The following U2AF1L4 variants were observed in gnomAD, a reference collection of about 807,000 sequenced individuals.
U2AF1L4 encodes the protein splicing factor U2AF 26 kDa subunit.
Under a neutral mutation model 21.7 loss-of-function variants are expected in U2AF1L4, and 21 were observed. That is an observed-to-expected ratio of 0.97 (90% CI 0.69 to 1.39). U2AF1L4 has a LOEUF of 1.39. Ranked by LOEUF, U2AF1L4 falls within the 40% of genes most tolerant of loss-of-function variation. The probability of loss-of-function intolerance (pLI) is 0.00; values close to 1 mark genes in which losing one functional copy is unlikely to be tolerated. For synonymous variants in U2AF1L4, 92 were observed against 89.7 expected, an observed-to-expected ratio of 1.03 and a Z score of -0.15; for missense variants, 259 against 245.7, an observed-to-expected ratio of 1.05 and a Z score of -0.36.
At position 35,744,011 on chromosome 19, in the gene U2AF1L4, C is replaced by T. The variant is rs372530599; in HGVS notation, c.365+1G>A. 3 of 1,613,810 alleles carry T rather than the reference C, an allele frequency of 1.9e-6. No homozygotes were observed. Among genetic ancestry groups the T allele is most frequent in the Non-Finnish European group, 2.5e-6 (3 of 1,179,900 alleles). ...CCCATCCCACCCTTGAACTACCATA[C>T]CCCATCTCATACTGGCGACAGCATG... On this transcript the variant is annotated splice_donor_variant, in intron 4 of 5. Transcript: ENST00000378975. LOFTEE classifies it high-confidence loss of function.
At chr19:35,743,061 C>T in intron 5 of U2AF1L4, 1 of 565,160 alleles carries the variant, frequency 1.8e-6, no homozygotes, top group Non-Finnish European at 3.1e-6. Context: ...GAGCTCAGAA[C>T]TACTCTTAGG....
At chr19:35,743,735 C>G in intron 5 of U2AF1L4, 74 bp downstream of exon 5, 84 of 922,798 alleles carry the variant, frequency 9.1e-5, no homozygotes, top group Non-Finnish European at 1.2e-4. Context: ...GTTACTGGGG[C>G]TTAGGGTTAG....
chr19:35,743,105 G>A, intron 5 of U2AF1L4: 1 of 437,020 alleles, frequency 2.3e-6, no homozygotes, highest in Non-Finnish European at 4.1e-6. Flanking sequence ...GGGCGCAGTG[G>A]TTCACGCCTG....
chr19:35,744,859 T>C (rs1970492489), intron 2 of U2AF1L4: 2 of 827,800 alleles, frequency 2.4e-6, no homozygotes, highest in Non-Finnish European at 3.8e-6. Context: ...TGGAGGGGAC[T>C]GGCAAGGATG....
chr19:35,745,100 C>G (rs1970508699), intron 2 of U2AF1L4, 25 bp downstream of exon 2: 1 of 1,608,728 alleles, frequency 6.2e-7, no homozygotes, highest in African/African-American at 1.3e-5. Context: ...GCCGTTAACC[C>G]CCGAGGCTCC....
At position 35,742,795 on chromosome 19, in the gene U2AF1L4, G is replaced by A. The variant is rs146316690; in HGVS notation, c.470C>T (p.Pro157Leu). Reference sequence around the variant, plus strand: ...GGGATGGTGGCCAGTATGGAACCTCGGGGGTGACCTGGGAATAGGAGCGTT... The same window carrying A: ...GGGATGGTGGCCAGTATGGAACCTCAGGGGTGACCTGGGAATAGGAGCGTT... ...YGRGPRRRSPPRFHTGHHPRE... is the reference protein window; with the variant it reads ...YGRGPRRRSPLRFHTGHHPRE... Residue 157 changes from proline to leucine, a missense_variant, in exon 6 of 6, where the codon CCG becomes CTG. By Grantham distance (98) the Pro-to-Leu change is moderately conservative (BLOSUM62 -3). Coordinates refer to ENST00000378975, the MANE Select transcript of U2AF1L4 (RefSeq NM_001040425.3). The A allele has an allele frequency of 8.4e-5, 135 of 1,610,452 alleles. No individual in the cohort carries two copies. The highest frequency in any genetic ancestry group is 1.7e-4 in the Middle Eastern group (1 of 6,056).
chr19:35,743,525 T>C (rs1440047074), intron 5 of U2AF1L4: 7 of 426,696 alleles, frequency 1.6e-5, no homozygotes, highest in Non-Finnish European at 3.0e-5. Context: ...CCATCTCTAC[T>C]AAAAACACAA....
Position 35,742,704 on chromosome 19 carries a change from AAG to A in U2AF1L4, c.*13_*14del. ...TCTGTCCCTGTTGGGGGTGAAGGGTAAGGGGGCCAGGGCCTCAGAAGCGGCCA... is the reference window on the plus strand; with the variant it reads ...TCTGTCCCTGTTGGGGGTGAAGGGTAGGGGCCAGGGCCTCAGAAGCGGCCA... On this transcript the variant is annotated 3_prime_UTR_variant, in exon 6 of 6. Transcript: ENST00000378975. 6.2e-7 allele frequency: 1 copy of A among 1,611,400 alleles called. No homozygotes were observed. The highest frequency in any genetic ancestry group is 1.3e-5 in the African/African-American group (1 of 74,722).
chr19:35,743,163 C>T (rs1466527511), intron 5 of U2AF1L4: 10 of 308,064 alleles, frequency 3.2e-5, no homozygotes, highest in African/African-American at 1.1e-4. Context: ...ACCTGAGGTC[C>T]GGAGTTCGAG....
Position 35,742,794 on chromosome 19 carries a change from CG to C in U2AF1L4, c.470del (p.Pro157ArgfsTer66). ...GGGGATGGTGGCCAGTATGGAACCT[CG>C]GGGGTGACCTGGGAATAGGAGCGTT... ...YGRGPRRRSP[P>X]RFHTGHHPRE... On this transcript the variant is annotated frameshift_variant, in exon 6 of 6. Coordinates refer to ENST00000378975, the MANE Select transcript of U2AF1L4 (RefSeq NM_001040425.3). LOFTEE classifies it high-confidence loss of function. The C allele has an allele frequency of 6.2e-7, 1 of 1,610,606 alleles. No homozygotes were observed.
At chr19:35,743,054 C>T in intron 5 of U2AF1L4, 1 of 570,020 alleles carries the variant, frequency 1.8e-6, no homozygotes. Flanking sequence ...CCAGATGGAG[C>T]TCAGAACTAC....
Position 35,745,176 on chromosome 19 carries a change from G to A in U2AF1L4, c.81C>T (p.Cys27=). 1 of 1,613,612 alleles carries A rather than the reference G, an allele frequency of 6.2e-7. No homozygotes were observed. Among genetic ancestry groups the A allele is most frequent in the Non-Finnish European group, 8.5e-7 (1 of 1,180,002 alleles). Residue 27 remains cysteine, a synonymous_variant, in exon 2 of 6, where the codon TGC becomes TGT. Transcript: ENST00000378975. ...GCCGGGAGCACCGGTCCCCGTGCCGGCAGACCCCGATCTTAAAGTAAAAAG... is the reference window on the plus strand; with the variant it reads ...GCCGGGAGCACCGGTCCCCGTGCCGACAGACCCCGATCTTAAAGTAAAAAG... ...NCSFYFKIGV[C]RHGDRCSRLH...
chr19:35,743,387 A>C (rs762685190), intron 5 of U2AF1L4: 14 of 220,662 alleles, frequency 6.3e-5, no homozygotes, highest in African/African-American at 1.8e-4. Context: ...AAAAAAAAAA[A>C]AAAAAAAAAA....
rs760513725 is a variant in U2AF1L4 at position 35,745,195 on chromosome 19, TA to T, written c.61del (p.Tyr21ThrfsTer40). The T allele has an allele frequency of 2.5e-6, 4 of 1,613,238 alleles. No individual in the cohort carries two copies. The highest frequency in any genetic ancestry group is 3.4e-6 in the Non-Finnish European group (4 of 1,179,914). On this transcript the variant is annotated frameshift_variant, in exon 2 of 6. Coordinates refer to ENST00000378975, the MANE Select transcript of U2AF1L4 (RefSeq NM_001040425.3). LOFTEE classifies it high-confidence loss of function. ...GTGCCGGCAGACCCCGATCTTAAAG[TA>T]AAAAGAGCAGTTAACCCTGGAAAAG... The part of the protein sequence containing the change: ...TEKDKVNCSF[Y>X]FKIGVCRHGD...
Position 35,744,425 on chromosome 19 carries a change from TG to T in U2AF1L4, c.133-5del, listed in dbSNP as rs916379756. 2 of 1,614,006 alleles carry T rather than the reference TG, an allele frequency of 1.2e-6. No homozygotes were observed. Among genetic ancestry groups the T allele is most frequent in the African/African-American group, 2.7e-5 (2 of 74,904 alleles). On this transcript the variant is annotated splice_region_variant and splice_polypyrimidine_tract_variant and intron_variant, in intron 2 of 5. Coordinates refer to ENST00000378975, the MANE Select transcript of U2AF1L4 (RefSeq NM_001040425.3). ...CCTGCAGTTCTGTGAACACCTCCTG[TG>T]GAAGACGGGGAGGAACTCAGCTGAG...
chr19:35,743,874 G>A lies in U2AF1L4; in HGVS notation c.396C>T (p.Phe132=), dbSNP rs752433397. ...TCTGGGAAATGGGCCGCAGATGCATGAAGTTGCAGAAGCCACCTCGGGTAC... is the reference window on the plus strand; with the variant it reads ...TCTGGGAAATGGGCCGCAGATGCATAAAGTTGCAGAAGCCACCTCGGGTAC... ...GECTRGGFCN[F]MHLRPISQNL... is the part of the protein sequence containing the mutation. Residue 132 remains phenylalanine (F), a synonymous_variant, in exon 5 of 6, where the codon TTC becomes TTT. Transcript: ENST00000378975. The A allele has an allele frequency of 6.2e-7, 1 of 1,613,712 alleles. No individual in the cohort carries two copies. Among genetic ancestry groups the A allele is most frequent in the South Asian group, 1.1e-5 (1 of 91,004 alleles).
chr19:35,745,265 C>G (rs1481246387), intron 1 of U2AF1L4, 53 bp from the exon 2 acceptor site: 11 of 1,602,906 alleles, frequency 6.9e-6, no homozygotes, highest in Admixed American at 1.7e-5. Flanking sequence ...AGCTGGGCAC[C>G]CCAGAAACAC....
chr19:35,745,320 A>G (rs373724918), intron 1 of U2AF1L4, 28 bp downstream of exon 1: 1 of 1,478,336 alleles, frequency 6.8e-7, no homozygotes, highest in Non-Finnish European at 9.4e-7. Context: ...CGACCCCCCG[A>G]GAGTCCACTC....
At position 35,742,692 on chromosome 19, in the gene U2AF1L4, G is replaced by T. The variant is rs1017405785; in HGVS notation, c.*27C>A. On this transcript the variant is annotated 3_prime_UTR_variant, in exon 6 of 6. Coordinates refer to ENST00000378975, the MANE Select transcript of U2AF1L4 (RefSeq NM_001040425.3). ...CTGCCAGGAACATCTGTCCCTGTTGGGGGTGAAGGGTAAGGGGGCCAGGGC... is the reference window on the plus strand; with the variant it reads ...CTGCCAGGAACATCTGTCCCTGTTGTGGGTGAAGGGTAAGGGGGCCAGGGC... 6.2e-7 allele frequency: 1 copy of T among 1,612,316 alleles called. No individual in the cohort carries two copies. The highest frequency in any genetic ancestry group is 1.7e-5 in the Admixed American group (1 of 59,674).
Sources: gnomAD v4.1 joint callset for allele counts on GRCh38, gnomAD v4.1.1 for gene constraint, MANE v1.5 for transcripts, NCBI Gene and HGNC (gene_info 2026-07-23, HGNC 2026-07-21) for gene names.